LOC400499: variants seen among roughly 807,000 people sequenced by gnomAD.
the LOC400499 span, among the ~76,000 whole-genome samples, chr16:11,521,268 C>T: frequency 1.3e-5 from 2 of 152,154 alleles, no homozygotes; most frequent in Non-Finnish European, 2.9e-5. Flanking sequence ...CCAACAGAAA[C>T]TAAAAGGCCT....
the LOC400499 span, chr16:11,425,535 C>A: frequency 2.5e-6 from 1 of 397,978 alleles, no homozygotes; most frequent in Non-Finnish European, 4.4e-6. Context: ...TTGCTAGATT[C>A]ATGATGTCGC....
chr16:11,464,750 G>A, the LOC400499 span, among the ~76,000 whole-genome samples: 3 of 152,210 alleles, frequency 2.0e-5, no homozygotes, highest in Non-Finnish European at 2.9e-5. Context: ...TGGGGCAGAC[G>A]GAACTAGAAT....
At chr16:11,456,927 C>T in the LOC400499 span, 1 of 1,536,300 alleles carries the variant, frequency 6.5e-7, no homozygotes, top group Non-Finnish European at 8.7e-7. Flanking sequence ...CAGCGGCCGC[C>T]CATTGTACTG....
the LOC400499 span, chr16:11,494,598 G>C: frequency 2.5e-6 from 1 of 399,100 alleles, no homozygotes; most frequent in Admixed American, 4.4e-5. Flanking sequence ...GAGGGCTCCT[G>C]GATGGTACAG....
chr16:11,431,209 G>A, the LOC400499 span: 506 of 399,062 alleles, frequency 1.3e-3, 5 homozygotes, highest in African/African-American at 9.4e-3. Context: ...GTCCAGCAGT[G>A]CCTTGGAAAA....
the LOC400499 span, chr16:11,392,865 AC>A: frequency 1.1e-6 from 1 of 918,494 alleles, no homozygotes; most frequent in Non-Finnish European, 1.3e-6. Context: ...TTTTTGTTTT[AC>A]TTTTTGAGAC....
chr16:11,471,421 C>G, the LOC400499 span: 1 of 375,458 alleles, frequency 2.7e-6, no homozygotes, highest in Non-Finnish European at 4.7e-6. Flanking sequence ...AGGCAGGCTT[C>G]CCTGAGGAAG....
At chr16:11,475,960 G>A in the LOC400499 span, among the ~76,000 whole-genome samples, 47,578 of 152,022 alleles carry the variant, frequency 0.31, 7,890 homozygotes, top group Admixed American at 0.43. Context: ...GGGCTGTCTC[G>A]GGGATAGAGC....
chr16:11,399,964 G>A, the LOC400499 span: 1 of 397,492 alleles, frequency 2.5e-6, no homozygotes. Flanking sequence ...TATCCCTAGA[G>A]GAACTAGGAT....
the LOC400499 span, among the ~76,000 whole-genome samples, chr16:11,466,008 G>A: frequency 3.3e-5 from 5 of 152,208 alleles, no homozygotes; most frequent in African/African-American, 1.2e-4. Context: ...GTTCATGGCA[G>A]AATATTTGTA....
At chr16:11,411,326 T>C in the LOC400499 span, 1 of 399,298 alleles carries the variant, frequency 2.5e-6, no homozygotes, top group Non-Finnish European at 4.4e-6. Context: ...AGCAGCTCTT[T>C]GCTAGAAGGA....
At chr16:11,393,159 C>CG in the LOC400499 span, among the ~76,000 whole-genome samples, 55 of 138,414 alleles carry the variant, frequency 4.0e-4, no homozygotes, top group African/African-American at 1.6e-3. Flanking sequence ...TGGCCACCCC[C>CG]CCCCCTTTTT....
the LOC400499 span, chr16:11,470,562 A>G: frequency 6.6e-6 from 1 of 152,230 alleles, no homozygotes; most frequent in Admixed American, 6.5e-5. Context: ...AGCCTCAGCC[A>G]CAAGTCCCGT....
At chr16:11,445,668 G>GCAGGGCTGAGGGGA in the LOC400499 span, among the ~76,000 whole-genome samples, 3 of 152,300 alleles carry the variant, frequency 2.0e-5, no homozygotes, top group African/African-American at 7.2e-5. Flanking sequence ...AGGCCACGAA[G>GCAGGGCTGAGGGGA]CAGGGCTGAG....
the LOC400499 span, chr16:11,384,009 C>G: frequency 5.7e-6 from 7 of 1,231,700 alleles, no homozygotes; most frequent in Admixed American, 8.4e-5. Context: ...CACCACCCAC[C>G]TGGCAGGATG....
chr16:11,508,546 G>A, the LOC400499 span, among the ~76,000 whole-genome samples: 2 of 152,240 alleles, frequency 1.3e-5, no homozygotes, highest in Admixed American at 6.5e-5. Context: ...AGATTTCCTT[G>A]CTTCTGCAAC....
At chr16:11,377,950 G>T in the LOC400499 span, among the ~76,000 whole-genome samples, 1 of 152,196 alleles carries the variant, frequency 6.6e-6, no homozygotes, top group African/African-American at 2.4e-5. Flanking sequence ...TTTGGTCTCT[G>T]ATTCAATCTC....
At chr16:11,461,186 C>T in the LOC400499 span, 2 of 1,471,284 alleles carry the variant, frequency 1.4e-6, no homozygotes, top group East Asian at 2.5e-5. Context: ...CATCCCCAGG[C>T]AAAGAAGGGA....
chr16:11,405,074 T>G, the LOC400499 span, among the ~76,000 whole-genome samples: 1 of 151,904 alleles, frequency 6.6e-6, no homozygotes, highest in Non-Finnish European at 1.5e-5. Flanking sequence ...GTGAGGGGAG[T>G]ATGGCCAACA....
Sources: gnomAD v4.1 joint callset for allele counts (sites outside exome capture counted in the v4.1 genomes callset) on GRCh38, gnomAD v4.1.1 for gene constraint, MANE v1.5 for transcripts.